The following EBF1 variants were observed in gnomAD, a reference collection of about 807,000 sequenced individuals.
EBF1 encodes EBF transcription factor 1, also known as transcription factor COE1.
EBF1 carries 10 observed loss-of-function variants against 68.4 expected under a neutral mutation model. The ratio of observed to expected loss-of-function variants is 0.15; its 90% CI spans 0.09 to 0.25. The LOEUF (loss-of-function observed/expected upper bound fraction) is 0.25. Ranked by LOEUF, EBF1 falls within the 10% of genes least tolerant of loss-of-function variation. The pLI is 1.00. For synonymous variants in EBF1, 298 were observed against 299.8 expected, an observed-to-expected ratio of 0.99 and a Z score of 0.06; for missense variants, 509 against 794.4, an observed-to-expected ratio of 0.64 and a Z score of 4.32.
At chr5:158,971,893 A>C (rs1004992316) in intron 6 of EBF1, among the ~76,000 whole-genome samples, 10 of 152,236 alleles carry the variant, frequency 6.6e-5, no homozygotes, top group African/African-American at 2.4e-4. Context: ...TTAATATTAA[A>C]GATTCATACC....
chr5:158,698,659 T>TTTC lies in EBF1; in HGVS notation c.*451_*452insGAA. On this transcript the variant is annotated 3_prime_UTR_variant, in exon 16 of 16. Coordinates refer to ENST00000313708, the MANE Select transcript of EBF1 (RefSeq NM_024007.5). ...ATACAAGCTTTTTTTTTTTTCCTTTTTTTCTTTTTTTTTTTTTTTACTTTT... is the reference window on the plus strand; with the variant it reads ...ATACAAGCTTTTTTTTTTTTCCTTTTTTCTTTCTTTTTTTTTTTTTTTACTTTT... 5.0e-6 allele frequency: 1 copy of TTTC among 200,672 alleles called. No homozygotes were observed. Among genetic ancestry groups the TTTC allele is most frequent in the Non-Finnish European group, 1.0e-5 (1 of 97,988 alleles). The allele number at this position is 200,672 out of a possible 1,614,324, so 12.4% of individuals were successfully genotyped here.
intron 10 of EBF1, among the ~76,000 whole-genome samples, chr5:158,760,871 G>A (rs1487649665): frequency 6.6e-6 from 1 of 152,050 alleles, no homozygotes; most frequent in Non-Finnish European, 1.5e-5. Context: ...ACTTTAAACT[G>A]GGAATTCCGG....
intron 6 of EBF1, among the ~76,000 whole-genome samples, chr5:158,892,316 C>A (rs62385376): frequency 0.047 from 7,088 of 152,096 alleles, 235 homozygotes; most frequent in Non-Finnish European, 0.067. Context: ...TGGTGAAACT[C>A]CATCTCTACT....
chr5:159,046,457 A>G (rs1284257470), intron 6 of EBF1, among the ~76,000 whole-genome samples: 1 of 152,226 alleles, frequency 6.6e-6, no homozygotes, highest in African/African-American at 2.4e-5. Flanking sequence ...GGAATGTGTA[A>G]GAGCCATGGG....
chr5:158,971,506 G>C (rs569835528), intron 6 of EBF1, among the ~76,000 whole-genome samples: 1 of 152,210 alleles, frequency 6.6e-6, no homozygotes. Context: ...AGTCGTGGTT[G>C]CTTTTGCTTC....
chr5:159,019,708 CAT>C (rs775667952), intron 6 of EBF1, among the ~76,000 whole-genome samples: 2 of 152,212 alleles, frequency 1.3e-5, no homozygotes, highest in Non-Finnish European at 2.9e-5. Flanking sequence ...AGAAGTGTCT[CAT>C]GTGCCAACAG....
rs374958740 is a variant in EBF1, at chr5:158,741,468, G to A, written c.1037-10311C>T. The stretch of plus-strand genomic sequence containing the variant: ...TATATGACTGTGGTTCCAGCTACTC[G>A]GGAGGCTGAAGTGGGAGAACAGCTT... On this transcript the variant is annotated intron_variant, in intron 10 of 15. Coordinates refer to ENST00000313708, the MANE Select transcript of EBF1 (RefSeq NM_024007.5). Among the ~76,000 whole-genome samples the A allele has an allele frequency of 4.8e-3, 733 of 151,938 alleles. 3 individuals carry two copies. Among genetic ancestry groups the A allele is most frequent in the African/African-American group, 0.015 (621 of 41,418 alleles).
chr5:159,074,997 CCTT>C (rs1051256242), intron 5 of EBF1, among the ~76,000 whole-genome samples: 9 of 152,162 alleles, frequency 5.9e-5, no homozygotes, highest in African/African-American at 2.2e-4. Context: ...AAATATAACT[CCTT>C]CATCCCTGAA....
intron 6 of EBF1, among the ~76,000 whole-genome samples, chr5:159,041,158 TC>T (rs1771124903): frequency 6.6e-6 from 1 of 152,180 alleles, no homozygotes; most frequent in South Asian, 2.1e-4. Flanking sequence ...GCTTGACCAA[TC>T]CCCAATGCCT....
chr5:159,085,968 C>A (rs988599140), intron 4 of EBF1, among the ~76,000 whole-genome samples: 1 of 151,930 alleles, frequency 6.6e-6, no homozygotes, highest in East Asian at 1.9e-4. Flanking sequence ...ATGAACATTG[C>A]AGTAAAATAA....
intron 6 of EBF1, among the ~76,000 whole-genome samples, chr5:158,981,476 G>T (rs772183566): frequency 6.6e-6 from 1 of 152,058 alleles, no homozygotes; most frequent in Non-Finnish European, 1.5e-5. Context: ...TTGTGAAGAG[G>T]TTCTCTCTGC....
At chr5:158,852,916 A>G (rs771653902) in intron 6 of EBF1, among the ~76,000 whole-genome samples, 1 of 152,184 alleles carries the variant, frequency 6.6e-6, no homozygotes, top group Non-Finnish European at 1.5e-5. Context: ...ATAATTCTGA[A>G]AAAAGCTTTC....
At chr5:159,096,928 C>T (rs1365345006) in intron 2 of EBF1, 46 bp downstream of exon 2, 2 of 1,601,754 alleles carry the variant, frequency 1.2e-6, no homozygotes, top group South Asian at 1.1e-5. Flanking sequence ...GGGCCTGCTC[C>T]CGAGCCGAGC....
chr5:159,021,041 C>CAGTA, intron 6 of EBF1, among the ~76,000 whole-genome samples: 3 of 152,238 alleles, frequency 2.0e-5, no homozygotes, highest in Non-Finnish European at 4.4e-5. Context: ...TCTTCTCTCT[C>CAGTA]TTGCACCCCT....
intron 6 of EBF1, among the ~76,000 whole-genome samples, chr5:158,969,916 G>GAAAAAAAA (rs61157554): frequency 5.1e-4 from 41 of 80,084 alleles, no homozygotes; most frequent in Non-Finnish European, 8.4e-4. Context: ...AAGAAAGAAA[G>GAAAAAAAA]AAAAAAAAAA....
chr5:159,066,795 C>T (rs543959221), intron 6 of EBF1, among the ~76,000 whole-genome samples: 1 of 152,094 alleles, frequency 6.6e-6, no homozygotes, highest in Non-Finnish European at 1.5e-5. Context: ...TTCCTCTACC[C>T]ACACCTTTCA....
At chr5:158,738,699 G>A (rs547650289) in intron 10 of EBF1, among the ~76,000 whole-genome samples, 5 of 152,278 alleles carry the variant, frequency 3.3e-5, no homozygotes, top group African/African-American at 1.2e-4. Context: ...AGAAAGAGTT[G>A]GTTGCATAAA....
At chr5:158,706,398 T>G (rs7715764) in intron 15 of EBF1, among the ~76,000 whole-genome samples, 1 of 152,048 alleles carries the variant, frequency 6.6e-6, no homozygotes, top group Non-Finnish European at 1.5e-5. Context: ...TCACATGGCT[T>G]GTGTTCCAGT....
chr5:158,699,246 T>TTGTGTCGAACTA, intron 15 of EBF1, 104 bp from the exon 16 acceptor site: 2 of 1,221,128 alleles, frequency 1.6e-6, no homozygotes, highest in South Asian at 3.1e-5. Flanking sequence ...CACAACTATG[T>TTGTGTCGAACTA]TGTTCGACTA....
Sources: allele counts gnomAD v4.1 joint callset (sites outside exome capture counted in the v4.1 genomes callset), GRCh38; gene constraint gnomAD v4.1.1; transcripts MANE v1.5; gene names NCBI Gene and HGNC (gene_info 2026-07-23, HGNC 2026-07-21).